NID2: variants seen among roughly 807,000 people sequenced by gnomAD.
The protein encoded by NID2 is nidogen-2.
In NID2, 83 loss-of-function variants were observed where a neutral mutation model predicts 145.4. The ratio of observed to expected loss-of-function variants is 0.57; its 90% CI spans 0.48 to 0.69. NID2 has a LOEUF of 0.69. Among genes scored for constraint, NID2 ranks in the 30% least tolerant of loss-of-function variants. The pLI, the probability that NID2 is intolerant of heterozygous loss-of-function variation, is 0.00. For missense variants in NID2, 1,807 were observed against 1,765.7 expected (o/e 1.02, Z -0.42); for synonymous variants, 739 against 701.3 (o/e 1.05, Z -0.85).
intron 9 of NID2, among the ~76,000 whole-genome samples, chr14:52,031,249 A>G (rs1409896909): frequency 2.6e-5 from 4 of 152,200 alleles, no homozygotes; most frequent in African/African-American, 9.7e-5. Context: ...GCCATGTAAA[A>G]TGGAAATAGG....
At chr14:52,043,668 G>T (rs1892368400) in intron 5 of NID2, among the ~76,000 whole-genome samples, 1 of 152,130 alleles carries the variant, frequency 6.6e-6, no homozygotes, top group Non-Finnish European at 1.5e-5. Flanking sequence ...TCTGGCAGCT[G>T]TTTCTTCCAT....
chr14:52,009,346 A>C (rs753148813), intron 18 of NID2: 2 of 152,230 alleles, frequency 1.3e-5, no homozygotes, highest in Admixed American at 6.5e-5. Context: ...TATTTGGTGT[A>C]AATTATTTGG....
chr14:52,043,024 T>A, intron 5 of NID2, 93 bp from the exon 6 acceptor site: 1 of 1,237,884 alleles, frequency 8.1e-7, no homozygotes, highest in Non-Finnish European at 1.2e-6. Context: ...TAGAAGCAGT[T>A]TAGATCATAA....
At chr14:52,043,779 G>A (rs115023042) in intron 5 of NID2, among the ~76,000 whole-genome samples, 1 of 152,290 alleles carries the variant, frequency 6.6e-6, no homozygotes, top group East Asian at 1.9e-4. Flanking sequence ...AATAGCCAAG[G>A]GGGTAGGGTG....
At chr14:52,030,481 A>AAAAGAAAAGAAAAGAAAAGAAAG (rs1555363676) in intron 9 of NID2, among the ~76,000 whole-genome samples, 3 of 115,382 alleles carry the variant, frequency 2.6e-5, no homozygotes, top group Non-Finnish European at 3.6e-5. Context: ...CGAGAGAAAG[A>AAAAGAAAAGAAAAGAAAAGAAAG]AAAGAAAGAA....
chr14:52,053,887 A>T lies in NID2; in HGVS notation c.1121T>A (p.Val374Glu). The T allele has an allele frequency of 6.2e-7, 1 of 1,613,818 alleles. No individual in the cohort carries two copies. The highest frequency in any genetic ancestry group is 1.1e-5 in the South Asian group (1 of 91,058). ...HTKEGTSLGE[V>E]GGPDLKGQVE... Reference sequence around the variant, plus strand: ...TTGGCCTTTTAAATCTGGGCCCCCTACCTCTCCCAGAGATGTTCCTTCTTT... The same window carrying T: ...TTGGCCTTTTAAATCTGGGCCCCCTTCCTCTCCCAGAGATGTTCCTTCTTT... The change falls in exon 5 of 22, where the codon GTA (valine) becomes GAA (glutamate). Residue 374 changes from valine (V) to glutamate (E), a missense_variant. Transcript: ENST00000216286.
At chr14:52,013,376 G>A (rs1309531614) in intron 16 of NID2, among the ~76,000 whole-genome samples, 1 of 152,144 alleles carries the variant, frequency 6.6e-6, no homozygotes, top group African/African-American at 2.4e-5. Flanking sequence ...AGTTTTCTTG[G>A]GGGAGGGGAC....
rs761818633 is a variant in NID2 at position 52,069,033 on chromosome 14, C to T, written c.-39G>A. The T allele has an allele frequency of 6.7e-7, 1 of 1,499,334 alleles. No individual in the cohort carries two copies. The highest frequency in any genetic ancestry group is 1.2e-5 in the South Asian group (1 of 84,370). 92.9% of individuals were successfully genotyped at this position (1,499,334 alleles called of 1,614,324 possible). A position where few individuals can be genotyped will look rare whatever the true frequency, so the allele number is the denominator to read the frequency against. The stretch of plus-strand genomic sequence containing the variant: ...TGCGCTTACCCGCTGCACAACGCGT[C>T]CCGCCCCGGCCTCCAGCCCACTCTC... On this transcript the variant is annotated 5_prime_UTR_variant, in exon 1 of 22. Coordinates refer to ENST00000216286, the MANE Select transcript of NID2 (RefSeq NM_007361.4).
chr14:52,006,670 C>G lies in NID2; in HGVS notation c.3881-10G>C, dbSNP rs781419315. On this transcript the variant is annotated splice_polypyrimidine_tract_variant and intron_variant, in intron 19 of 21. Transcript: ENST00000216286. ...TCCAGTTTTTTGGTTCCTTTTAAAA[C>G]AAAGGGGGAAAATGAGGTCCTTCAG... is the stretch of plus-strand genomic sequence containing the variant. The G allele has an allele frequency of 6.2e-7, 1 of 1,612,874 alleles. No homozygotes were observed.
intron 5 of NID2, among the ~76,000 whole-genome samples, chr14:52,045,839 C>T (rs544758804): frequency 2.0e-5 from 3 of 152,276 alleles, no homozygotes; most frequent in South Asian, 2.1e-4. Flanking sequence ...CTGCAGAAAG[C>T]GCCAAGCTCT....
At chr14:52,057,559 C>G (rs558754667) in intron 3 of NID2, among the ~76,000 whole-genome samples, 2 of 151,272 alleles carry the variant, frequency 1.3e-5, no homozygotes, top group Non-Finnish European at 2.9e-5. Flanking sequence ...AAAAATTAGC[C>G]GGGTGTGGTG....
At chr14:52,005,566 T>C (rs1034403796) in intron 21 of NID2, 70 bp from the exon 22 acceptor site, 2 of 1,546,632 alleles carry the variant, frequency 1.3e-6, no homozygotes, top group Non-Finnish European at 1.8e-6. Context: ...CAACAGCAAG[T>C]CTTTGCATTT....
At chr14:52,037,679 T>G (rs2749876) in intron 9 of NID2, among the ~76,000 whole-genome samples, 124,102 of 152,146 alleles carry the variant, frequency 0.82, 50,851 homozygotes, top group African/African-American at 0.89. Flanking sequence ...GCCAATTTCT[T>G]CAAAGAGCCA....
At chr14:52,056,658 G>T (rs994973171) in intron 3 of NID2, among the ~76,000 whole-genome samples, 2 of 152,070 alleles carry the variant, frequency 1.3e-5, no homozygotes, top group Non-Finnish European at 2.9e-5. Flanking sequence ...CAGGTGTGAT[G>T]GTGTGTGCCT....
At chr14:52,067,264 T>C (rs1893250890) in intron 2 of NID2, among the ~76,000 whole-genome samples, 1 of 152,242 alleles carries the variant, frequency 6.6e-6, no homozygotes, top group Non-Finnish European at 1.5e-5. Context: ...GTATGCATCA[T>C]TATAAATGAT....
intron 15 of NID2, 118 bp from the exon 16 acceptor site, chr14:52,014,574 C>A: frequency 2.0e-6 from 2 of 1,000,646 alleles, no homozygotes; most frequent in Non-Finnish European, 1.5e-6. Flanking sequence ...CTTCGCCCTA[C>A]GCAGATGTGC....
intron 2 of NID2, among the ~76,000 whole-genome samples, chr14:52,060,987 G>A (rs1662004990): frequency 6.6e-6 from 1 of 152,144 alleles, no homozygotes; most frequent in Admixed American, 6.5e-5. Context: ...CTCAGGTCAG[G>A]TGGCAAGTAT....
At chr14:52,009,775 C>G (rs1309323090) in intron 18 of NID2, 1 of 152,272 alleles carries the variant, frequency 6.6e-6, no homozygotes, top group African/African-American at 2.4e-5. Context: ...GCAGGTGGAT[C>G]ACCCAGGGTC....
intron 19 of NID2, 124 bp from the exon 20 acceptor site, chr14:52,006,784 G>T: frequency 2.0e-6 from 2 of 1,012,624 alleles, no homozygotes; most frequent in Non-Finnish European, 2.9e-6. Context: ...TACAGTCATA[G>T]ATTAGCAACT....
Sources: gnomAD v4.1 joint callset for allele counts (sites outside exome capture counted in the v4.1 genomes callset) on GRCh38, gnomAD v4.1.1 for gene constraint, MANE v1.5 for transcripts, NCBI Gene and HGNC (gene_info 2026-07-23, HGNC 2026-07-21) for gene names.